Variants in PTPRS observed in about 807,000 individuals in gnomAD.
PTPRS encodes the protein receptor-type tyrosine-protein phosphatase S.
PTPRS carries 63 observed loss-of-function variants against 215.3 expected under a neutral mutation model. The ratio of observed to expected loss-of-function variants is 0.29; its 90% CI spans 0.24 to 0.36. The LOEUF (loss-of-function observed/expected upper bound fraction) is 0.36. PTPRS is among the 10% of genes least tolerant of loss of function. The pLI is 1.00. For missense variants in PTPRS, 2,258 were observed against 2,825.8 expected (o/e 0.80, Z 4.56); for synonymous variants, 1,404 against 1,191.4 (o/e 1.18, Z -3.68).
Position 5,235,065 on chromosome 19 carries a change from C to T in PTPRS, c.1850-3450G>A, listed in dbSNP as rs543164761. Among the ~76,000 whole-genome samples, 18 of 151,960 alleles carry T rather than the reference C, an allele frequency of 1.2e-4. 1 individual carries two copies. Among genetic ancestry groups the T allele is most frequent in the South Asian group, 4.2e-4 (2 of 4,810 alleles). On this transcript the variant is annotated intron_variant, in intron 13 of 37. Transcript: ENST00000262963. ...ACGCCATTCTCCTGTCTCAGCCTCC[C>T]GAGTAGCTGGGACTACAGGCGCCCG...
At chr19:5,322,251 C>A (rs2050043349) in intron 1 of PTPRS, among the ~76,000 whole-genome samples, 1 of 152,222 alleles carries the variant, frequency 6.6e-6, no homozygotes. Flanking sequence ...CAGTGACACA[C>A]AGCCCTGTTG....
chr19:5,320,315 A>G (rs544665565), intron 1 of PTPRS, among the ~76,000 whole-genome samples: 27 of 152,346 alleles, frequency 1.8e-4, no homozygotes, highest in African/African-American at 6.5e-4. Context: ...GAGGGGGTAC[A>G]CGGACCTTGA....
intron 9 of PTPRS, among the ~76,000 whole-genome samples, chr19:5,251,488 C>T (rs2045069288): frequency 1.3e-5 from 2 of 151,272 alleles, no homozygotes; most frequent in African/African-American, 4.9e-5. Context: ...TGTTTTTCCC[C>T]CAGTTCTGGC....
intron 1 of PTPRS, among the ~76,000 whole-genome samples, chr19:5,322,476 C>G (rs949768787): frequency 1.1e-4 from 16 of 152,176 alleles, no homozygotes; most frequent in Middle Eastern, 3.4e-3. Context: ...GAAGCAGCCG[C>G]GGGGACCGAC....
intron 1 of PTPRS, among the ~76,000 whole-genome samples, chr19:5,286,998 C>T (rs1164304170): frequency 6.6e-6 from 1 of 152,182 alleles, no homozygotes; most frequent in East Asian, 1.9e-4. Context: ...CCTGATCCCC[C>T]AGGTTATAAG....
chr19:5,256,304 C>T (rs1348758179), intron 8 of PTPRS, among the ~76,000 whole-genome samples, 185 bp from the exon 9 acceptor site: 1 of 151,668 alleles, frequency 6.6e-6, no homozygotes, highest in Non-Finnish European at 1.5e-5. Flanking sequence ...CAGCAATGAC[C>T]TTTTTGTCTT....
At position 5,214,666 on chromosome 19, in the gene PTPRS, G is replaced by A. The variant is rs1361239707; in HGVS notation, c.4389C>T (p.Ala1463=). Residue 1463 remains alanine (A), a synonymous_variant, in exon 29 of 38, where the codon GCC becomes GCT. Coordinates refer to ENST00000262963, the MANE Select transcript of PTPRS (RefSeq NM_002850.4). ...DGYRCQNAYI[A]TQGPLPETFG... is the part of the protein sequence containing the mutation. ...AGGTCTCAGGCAGCGGCCCCTGCGTGGCAATGTACGCGTTCTGACACCGGT... is the reference window on the plus strand; with the variant it reads ...AGGTCTCAGGCAGCGGCCCCTGCGTAGCAATGTACGCGTTCTGACACCGGT... The A allele has an allele frequency of 8.7e-6, 14 of 1,613,162 alleles. No individual in the cohort carries two copies. The highest frequency in any genetic ancestry group is 1.2e-5 in the Non-Finnish European group (14 of 1,179,922).
Position 5,215,427 on chromosome 19 carries a change from G to A in PTPRS, c.4195-15C>T. On this transcript the variant is annotated splice_polypyrimidine_tract_variant and intron_variant, in intron 27 of 37. Coordinates refer to ENST00000262963, the MANE Select transcript of PTPRS (RefSeq NM_002850.4). ...GGGTCGATGGACTACAGAGGAAGGG[G>A]AGAGCGCGGGTGTCAGGGTAGGTGC... is the stretch of plus-strand genomic sequence containing the variant. The A allele has an allele frequency of 1.9e-6, 3 of 1,613,104 alleles. No homozygotes were observed. The highest frequency in any genetic ancestry group is 2.2e-5 in the South Asian group (2 of 91,076).
Position 5,339,101 on chromosome 19 carries a change from T to G in PTPRS, c.-95+1563A>C, listed in dbSNP as rs2050601993. Among the ~76,000 whole-genome samples the G allele has an allele frequency of 6.6e-6, 1 of 152,090 alleles. No homozygotes were observed. ...GACTCCGACACCTCGGACACCCGCT[T>G]CACTAGCCGCGGCTGCCGGGATGTG... is the stretch of plus-strand genomic sequence containing the variant. On this transcript the variant is annotated intron_variant, in intron 1 of 37. Transcript: ENST00000262963. The surrounding 1 kb of genome is among the most constrained non-coding windows in gnomAD (Gnocchi z 4.2).
Position 5,205,555 on chromosome 19 carries a change from G to T in PTPRS, c.*1219C>A, listed in dbSNP as rs2040299784. Among the ~76,000 whole-genome samples the T allele has an allele frequency of 6.6e-6, 1 of 152,222 alleles. No homozygotes were observed. Among genetic ancestry groups the T allele is most frequent in the African/African-American group, 2.4e-5 (1 of 41,448 alleles). ...AAAGTCGATATATCTACATACACGGGGGTGGGAAAACCACCCGGCTGCTTC... is the reference window on the plus strand; with the variant it reads ...AAAGTCGATATATCTACATACACGGTGGTGGGAAAACCACCCGGCTGCTTC... On this transcript the variant is annotated 3_prime_UTR_variant, in exon 38 of 38. Coordinates refer to ENST00000262963, the MANE Select transcript of PTPRS (RefSeq NM_002850.4).
intron 1 of PTPRS, among the ~76,000 whole-genome samples, chr19:5,329,311 C>T (rs894223565): frequency 3.3e-5 from 5 of 151,912 alleles, no homozygotes; most frequent in East Asian, 1.9e-4. Flanking sequence ...GTGACTTCCC[C>T]GAAGTCACAC....
At chr19:5,308,814 A>G (rs775789035) in intron 1 of PTPRS, among the ~76,000 whole-genome samples, 2 of 152,226 alleles carry the variant, frequency 1.3e-5, no homozygotes, top group Non-Finnish European at 2.9e-5. Context: ...TCAGCAATGA[A>G]TTACCCACAA....
In PTPRS at chr19:5,295,141, G is replaced by A. The variant is rs572514208; in HGVS notation, c.-94-8907C>T. Among the ~76,000 whole-genome samples the A allele has an allele frequency of 1.2e-3, 190 of 152,326 alleles. No individual in the cohort carries two copies. The highest frequency in any genetic ancestry group is 4.3e-3 in the African/African-American group (179 of 41,576). ...TCGAGTTTGAATCCAGGGATGCCCC[G>A]TGTGTCAAGAAAGCACCCGTACCTC... is the stretch of plus-strand genomic sequence containing the variant. On this transcript the variant is annotated intron_variant, in intron 1 of 37. Transcript: ENST00000262963. The surrounding 1 kb of genome is among the most constrained non-coding windows in gnomAD (Gnocchi z 4.6).
intron 7 of PTPRS, 34 bp from the exon 8 acceptor site, chr19:5,258,161 G>T: frequency 6.4e-7 from 1 of 1,569,720 alleles, no homozygotes; most frequent in South Asian, 1.1e-5. Flanking sequence ...TGGTCTGTTA[G>T]AGGGGGGCCC....
chr19:5,213,990 G>C (rs1445677346), intron 30 of PTPRS, among the ~76,000 whole-genome samples: 3 of 152,214 alleles, frequency 2.0e-5, no homozygotes, highest in African/African-American at 7.2e-5. Flanking sequence ...TCTCTGTCTG[G>C]AGACTCCTTG....
Position 5,287,072 on chromosome 19 carries a change from G to GC in PTPRS, c.-94-839dup, listed in dbSNP as rs947762857. 1.3e-5 allele frequency among the ~76,000 whole-genome samples: 2 copies of GC among 152,138 alleles called. No homozygotes were observed. The highest frequency in any genetic ancestry group is 4.8e-5 in the African/African-American group (2 of 41,424). On this transcript the variant is annotated intron_variant, in intron 1 of 37. Coordinates refer to ENST00000262963, the MANE Select transcript of PTPRS (RefSeq NM_002850.4). This position sits in a 1 kb window ranked among gnomAD's most constrained non-coding sequence, Gnocchi z 4.8. ...TCTAAGACCTCCCATGGCTCCCAGA[G>GC]CCCCCAGGGGAAGCCACTCTTGCTG...
At chr19:5,246,614 C>A (rs1314606233) in intron 9 of PTPRS, among the ~76,000 whole-genome samples, 1 of 152,172 alleles carries the variant, frequency 6.6e-6, no homozygotes, top group Non-Finnish European at 1.5e-5. Context: ...CCAACCCTCC[C>A]TGGTTCTCTG....
At position 5,211,720 on chromosome 19, in the gene PTPRS, G is replaced by A; in HGVS notation, c.5104C>T (p.Leu1702=). 2 of 1,614,142 alleles carry A rather than the reference G, an allele frequency of 1.2e-6. No homozygotes were observed. The highest frequency in any genetic ancestry group is 1.3e-5 in the African/African-American group (1 of 75,066). ...AHTSRFISAN[L]PCNKFKNRLV... Reference sequence around the variant, plus strand: ...CGGTTCTTGAACTTGTTACAAGGCAGATTGGCACTGATGAAGCGTGACGTG... The same window carrying A: ...CGGTTCTTGAACTTGTTACAAGGCAAATTGGCACTGATGAAGCGTGACGTG... The change falls in exon 33 of 38, where the codon CTG becomes TTG. Residue 1702 remains leucine, a synonymous_variant. Coordinates refer to ENST00000262963, the MANE Select transcript of PTPRS (RefSeq NM_002850.4).
At chr19:5,224,988 CCCA>C (rs964966640) in intron 17 of PTPRS, among the ~76,000 whole-genome samples, 2 of 151,704 alleles carry the variant, frequency 1.3e-5, no homozygotes, top group East Asian at 1.9e-4. Flanking sequence ...GCTTGTTCCG[CCCA>C]CCACCACCAC....
Sources: gnomAD v4.1 joint callset for allele counts (sites outside exome capture counted in the v4.1 genomes callset) on GRCh38, gnomAD v4.1.1 for gene constraint, Gnocchi (gnomAD v3.1) non-coding constraint, MANE v1.5 for transcripts, NCBI Gene and HGNC (gene_info 2026-07-23, HGNC 2026-07-21) for gene names.